XKR9: variants seen among roughly 807,000 people sequenced by gnomAD.
The protein encoded by XKR9 is XK related 9.
In XKR9, 32 loss-of-function variants were observed where a neutral mutation model predicts 32.0. The observed-to-expected ratio is 1.00, with a 90% CI of 0.76 to 1.34. The LOEUF (loss-of-function observed/expected upper bound fraction) is 1.34, where lower values mean the gene tolerates loss of function less well. Among genes scored for constraint, XKR9 ranks in the 40% most tolerant of loss-of-function variants. XKR9 has a pLI of 0.00. For synonymous variants in XKR9, 168 were observed against 143.4 expected (o/e 1.17, Z -1.22); for missense variants, 546 against 429.7 (o/e 1.27, Z -2.39).
the XKR9 span, among the ~76,000 whole-genome samples, chr8:71,020,035 C>A: frequency 3.3e-5 from 5 of 152,168 alleles, no homozygotes; most frequent in Admixed American, 2.0e-4. Flanking sequence ...AGGGCATTCA[C>A]TGAATGCCAA....
chr8:71,000,347 G>A, the XKR9 span, among the ~76,000 whole-genome samples: 1 of 152,130 alleles, frequency 6.6e-6, no homozygotes, highest in Non-Finnish European at 1.5e-5. Flanking sequence ...TTTACTGCAG[G>A]GTTATGTAGT....
At chr8:70,824,389 C>T in the XKR9 span, among the ~76,000 whole-genome samples, 2 of 152,026 alleles carry the variant, frequency 1.3e-5, no homozygotes, top group Non-Finnish European at 2.9e-5. Flanking sequence ...TTTGTTAGGT[C>T]TGTTCTTTAT....
intron 2 of XKR9, among the ~76,000 whole-genome samples, chr8:70,757,613 G>T (rs1397815894): frequency 2.0e-5 from 3 of 151,968 alleles, no homozygotes; most frequent in Non-Finnish European, 2.9e-5. Context: ...TTATGACAGA[G>T]TCTTGCTCTG....
chr8:70,702,972 C>T (rs1805591344), intron 3 of XKR9, among the ~76,000 whole-genome samples: 1 of 151,934 alleles, frequency 6.6e-6, no homozygotes, highest in Non-Finnish European at 1.5e-5. Context: ...TCATTGTTTC[C>T]CTGTGAGGAA....
the XKR9 span, among the ~76,000 whole-genome samples, chr8:70,866,213 G>A: frequency 6.6e-6 from 1 of 152,160 alleles, no homozygotes; most frequent in South Asian, 2.1e-4. Context: ...AAAAGATCTA[G>A]GCACATGCCT....
In XKR9 at chr8:70,672,125, G is replaced by A. The variant is rs544960888; in HGVS notation, c.-361+2587G>A. On this transcript the variant is annotated intron_variant, in intron 1 of 4. Coordinates refer to ENST00000408926, the MANE Select transcript of XKR9 (RefSeq NM_001011720.2). ...CTCATGGGTAGGAAGAATCAATATC[G>A]TGAAAATGGCCATACTGCCCAAGGT... 9.3e-3 allele frequency among the ~76,000 whole-genome samples: 519 copies of A among 55,952 alleles called. 47 individuals are homozygous for A. The highest frequency in any genetic ancestry group is 0.025 in the African/African-American group (473 of 18,910). 36.7% of individuals were successfully genotyped at this position (55,952 alleles called of 152,430 possible).
chr8:70,805,736 G>A, the XKR9 span, among the ~76,000 whole-genome samples: 4 of 152,140 alleles, frequency 2.6e-5, no homozygotes, highest in South Asian at 2.1e-4. Flanking sequence ...AGAGGCTCCC[G>A]GACAGAACCT....
At chr8:70,980,728 G>A in the XKR9 span, among the ~76,000 whole-genome samples, 2 of 152,102 alleles carry the variant, frequency 1.3e-5, 1 homozygote, top group South Asian at 4.1e-4. Flanking sequence ...ATGAACATGT[G>A]GGTCCTGTGA....
the XKR9 span, among the ~76,000 whole-genome samples, chr8:71,007,272 GC>G: frequency 6.6e-6 from 1 of 152,104 alleles, no homozygotes; most frequent in Admixed American, 6.5e-5. Context: ...TTTCTTTCTT[GC>G]TTTACATACA....
chr8:71,054,519 G>C, the XKR9 span, among the ~76,000 whole-genome samples: 15 of 152,108 alleles, frequency 9.9e-5, no homozygotes, highest in Non-Finnish European at 1.8e-4. Flanking sequence ...GTCTCCCAAA[G>C]CACCACTTCT....
At chr8:70,979,078 A>C in the XKR9 span, among the ~76,000 whole-genome samples, 2 of 152,144 alleles carry the variant, frequency 1.3e-5, no homozygotes, top group Non-Finnish European at 2.9e-5. Context: ...CATGGTTTTC[A>C]GATCCATCAG....
intron 3 of XKR9, among the ~76,000 whole-genome samples, chr8:70,696,042 T>C (rs1322207108): frequency 2.0e-5 from 3 of 151,718 alleles, no homozygotes; most frequent in East Asian, 3.9e-4. Flanking sequence ...TTTTTTTTTC[T>C]TGTAAATTTG....
chr8:70,832,844 G>A, the XKR9 span, among the ~76,000 whole-genome samples: 1 of 152,134 alleles, frequency 6.6e-6, no homozygotes, highest in African/African-American at 2.4e-5. Context: ...CTTGTTTACT[G>A]TTCGCCTTCT....
the XKR9 span, among the ~76,000 whole-genome samples, chr8:70,829,480 G>A: frequency 1.6e-4 from 25 of 152,074 alleles, no homozygotes; most frequent in Non-Finnish European, 3.1e-4. Context: ...ACGGAGTCTC[G>A]CCCTGTCTCC....
the XKR9 span, among the ~76,000 whole-genome samples, chr8:70,838,207 A>G: frequency 6.6e-6 from 1 of 152,122 alleles, no homozygotes; most frequent in African/African-American, 2.4e-5. Flanking sequence ...CTTACTATGC[A>G]CCATATCCAG....
downstream of XKR9, among the ~76,000 whole-genome samples, chr8:70,739,792 G>A (rs1806934229): frequency 6.6e-6 from 1 of 152,080 alleles, no homozygotes; most frequent in South Asian, 2.1e-4. Flanking sequence ...GTTGAATATT[G>A]GCCCCCACTC....
the XKR9 span, among the ~76,000 whole-genome samples, chr8:70,887,345 G>A: frequency 7.2e-5 from 11 of 152,142 alleles, no homozygotes; most frequent in Non-Finnish European, 1.2e-4. Context: ...GCAGTTTGAA[G>A]TCAGGCAGTG....
At chr8:70,834,957 A>G in the XKR9 span, among the ~76,000 whole-genome samples, 1 of 152,136 alleles carries the variant, frequency 6.6e-6, no homozygotes. Flanking sequence ...TTAGCTGATC[A>G]GATGAATGAG....
chr8:70,875,463 C>G, the XKR9 span, among the ~76,000 whole-genome samples: 1 of 152,138 alleles, frequency 6.6e-6, no homozygotes, highest in Non-Finnish European at 1.5e-5. Context: ...AATACTGGTG[C>G]CTCCTCAAAG....
Sources: gnomAD v4.1 joint callset for allele counts (sites outside exome capture counted in the v4.1 genomes callset) on GRCh38, gnomAD v4.1.1 for gene constraint, MANE v1.5 for transcripts, NCBI Gene and HGNC (gene_info 2026-07-23, HGNC 2026-07-21) for gene names.